The following IFT43 variants were observed in gnomAD, a reference collection of about 807,000 sequenced individuals.
IFT43 encodes intraflagellar transport protein 43 homolog.
A neutral mutation model predicts 32.3 loss-of-function variants in IFT43; 33 were observed. That is an observed-to-expected ratio of 1.02 (90% CI 0.77 to 1.37). The LOEUF (loss-of-function observed/expected upper bound fraction) is 1.37. Ranked by LOEUF, IFT43 falls within the 40% of genes most tolerant of loss-of-function variation. The pLI, the probability that IFT43 is intolerant of heterozygous loss-of-function variation, is 0.00. For synonymous variants in IFT43, 93 were observed against 98.2 expected, an observed-to-expected ratio of 0.95 and a Z score of 0.31; for missense variants, 274 against 265.9, an observed-to-expected ratio of 1.03 and a Z score of -0.21.
intron 5 of IFT43, among the ~76,000 whole-genome samples, chr14:76,074,501 G>A (rs969995989): frequency 6.6e-6 from 1 of 152,106 alleles, no homozygotes. Flanking sequence ...CTTCAGAATG[G>A]GGTCATCTGA....
At chr14:75,989,497 T>C (rs1244973625) in intron 2 of IFT43, among the ~76,000 whole-genome samples, 2 of 152,072 alleles carry the variant, frequency 1.3e-5, no homozygotes, top group African/African-American at 4.8e-5. Flanking sequence ...AGCAATACTT[T>C]TTACTGCCAG....
intron 2 of IFT43, among the ~76,000 whole-genome samples, chr14:76,000,087 AACAGTTTTACATTTTT>A (rs1447055202): frequency 6.6e-6 from 1 of 152,186 alleles, no homozygotes; most frequent in Non-Finnish European, 1.5e-5. Context: ...CCATCATTTT[AACAGTTTTACATTTTT>A]ACAGTTACAA....
At chr14:76,058,566 A>G (rs2037069446) in intron 3 of IFT43, 76 bp from the exon 4 acceptor site, 1 of 1,586,374 alleles carries the variant, frequency 6.3e-7, no homozygotes, top group Non-Finnish European at 8.6e-7. Context: ...CACTTTTGAA[A>G]CCTTCCTCAA....
intron 5 of IFT43, chr14:76,076,469 G>T (rs377641370): frequency 2.1e-6 from 3 of 1,428,930 alleles, no homozygotes; most frequent in East Asian, 2.5e-5. Context: ...CCAGGGGCCA[G>T]ATTGGGGTGT....
In IFT43 at chr14:76,022,363, G is replaced by A; in HGVS notation, c.184G>A (p.Gly62Ser). ...TAAATTACCTCGCTGCCGACAGGGAGGCTGGGCAGGTGATTCCGTGAAGGC... is the reference window on the plus strand; with the variant it reads ...TAAATTACCTCGCTGCCGACAGGGAAGCTGGGCAGGTGATTCCGTGAAGGC... ...SAKLPRCRQG[G>S]WAGDSVKASK... Residue 62 changes from glycine (G) to serine (S), a missense_variant, in exon 3 of 9, where the codon GGC becomes AGC. Coordinates refer to ENST00000314067, the MANE Select transcript of IFT43 (RefSeq NM_001102564.3). The A allele has an allele frequency of 1.2e-6, 2 of 1,613,334 alleles. No individual in the cohort carries two copies. The highest frequency in any genetic ancestry group is 1.7e-6 in the Non-Finnish European group (2 of 1,179,374).
At chr14:76,003,273 T>A (rs559015512) in intron 2 of IFT43, among the ~76,000 whole-genome samples, 1 of 152,234 alleles carries the variant, frequency 6.6e-6, no homozygotes, top group South Asian at 2.1e-4. Flanking sequence ...CTTTTTTTTT[T>A]AGTGATTACT....
intron 3 of IFT43, among the ~76,000 whole-genome samples, chr14:76,038,783 T>C (rs189421120): frequency 6.6e-6 from 1 of 152,340 alleles, no homozygotes; most frequent in East Asian, 1.9e-4. Context: ...AGTCCTTTCC[T>C]ATCTTCACAC....
intron 3 of IFT43, among the ~76,000 whole-genome samples, chr14:76,041,562 G>A (rs185456825): frequency 6.6e-6 from 1 of 152,298 alleles, no homozygotes; most frequent in East Asian, 1.9e-4. Flanking sequence ...TTTTAATAAA[G>A]TCCTTTTTAG....
chr14:76,005,615 G>A (rs1259890089), intron 2 of IFT43, among the ~76,000 whole-genome samples: 1 of 152,142 alleles, frequency 6.6e-6, no homozygotes, highest in Non-Finnish European at 1.5e-5. Flanking sequence ...TTCTTCTCAG[G>A]ATTTTCCCCT....
At chr14:76,065,234 C>G (rs2037207348) in intron 5 of IFT43, among the ~76,000 whole-genome samples, 1 of 152,160 alleles carries the variant, frequency 6.6e-6, no homozygotes, top group South Asian at 2.1e-4. Context: ...GCCCCAGTGT[C>G]CACCAACATC....
intron 2 of IFT43, among the ~76,000 whole-genome samples, chr14:76,011,542 G>A (rs1252425588): frequency 6.6e-6 from 1 of 152,188 alleles, no homozygotes; most frequent in Admixed American, 6.5e-5. Flanking sequence ...CCTGCAACTA[G>A]CATGTAATAT....
At position 75,988,942 on chromosome 14, in the gene IFT43, A is replaced by C; in HGVS notation, c.112A>C (p.Asn38His). ...GTCAGCGCAGGCCGAGAATCACCTC[A>C]ATGGCAAGAATTCCTCTTTGACTCT... is the stretch of plus-strand genomic sequence containing the variant. ...QESAQAENHL[N>H]GKNSSLTLTG... is the part of the protein sequence containing the mutation. Residue 38 changes from asparagine to histidine, a missense_variant, in exon 2 of 9, where the codon AAT becomes CAT. Asn to His is a moderately conservative substitution (Grantham distance 68, BLOSUM62 1). Coordinates refer to ENST00000314067, the MANE Select transcript of IFT43 (RefSeq NM_001102564.3). 1.2e-6 allele frequency: 2 copies of C among 1,614,062 alleles called. No individual in the cohort carries two copies. Among genetic ancestry groups the C allele is most frequent in the Non-Finnish European group, 1.7e-6 (2 of 1,180,016 alleles).
Position 76,059,251 on chromosome 14 carries a change from C to T in IFT43, c.249-76C>T, listed in dbSNP as rs1358065894. 29 of 1,612,192 alleles carry T rather than the reference C, an allele frequency of 1.8e-5. No individual in the cohort carries two copies. The East Asian group carries it at 3.3e-4, about 19-fold the overall frequency. Reference sequence around the variant, plus strand: ...TTTCATCTAGGAGAAAGAATGGATACAATAAACATTTGGGATGTTCCTTTC... The same window carrying T: ...TTTCATCTAGGAGAAAGAATGGATATAATAAACATTTGGGATGTTCCTTTC... On this transcript the variant is annotated intron_variant, in intron 4 of 8. Coordinates refer to ENST00000314067, the MANE Select transcript of IFT43 (RefSeq NM_001102564.3).
intron 2 of IFT43, among the ~76,000 whole-genome samples, chr14:76,012,052 A>G (rs2036095886): frequency 6.6e-6 from 1 of 152,202 alleles, no homozygotes; most frequent in Admixed American, 6.5e-5. Context: ...TTGCCCCTAG[A>G]AGCTGGAAGA....
intron 8 of IFT43, 60 bp from the exon 9 acceptor site, chr14:76,083,398 C>G (rs935280519): frequency 3.1e-6 from 5 of 1,613,896 alleles, no homozygotes; most frequent in Admixed American, 3.3e-5. Flanking sequence ...AGGGAGAAGT[C>G]AGCTACAGTT....
intron 3 of IFT43, among the ~76,000 whole-genome samples, chr14:76,042,107 G>GAC (rs3086751): frequency 0.3 from 45,681 of 149,792 alleles, 7,306 homozygotes; most frequent in East Asian, 0.46. Flanking sequence ...TATGGACGAG[G>GAC]ACACACACAC....
chr14:75,995,844 A>G (rs750923169), intron 2 of IFT43, among the ~76,000 whole-genome samples: 20 of 152,178 alleles, frequency 1.3e-4, no homozygotes, highest in Non-Finnish European at 1.6e-4. Flanking sequence ...TTCATAAGGA[A>G]TGTGTTTTCC....
chr14:76,058,346 A>G (rs2037064764), intron 3 of IFT43: 13 of 371,008 alleles, frequency 3.5e-5, no homozygotes, highest in South Asian at 3.0e-4. Context: ...GCTGAAAGAA[A>G]AGAGGGCACT....
chr14:76,037,159 T>C (rs2036615080), intron 3 of IFT43, among the ~76,000 whole-genome samples: 1 of 144,200 alleles, frequency 6.9e-6, no homozygotes, highest in Admixed American at 7.0e-5. Context: ...TCATATTCCC[T>C]GTTAAACTGA....
Sources: allele counts gnomAD v4.1 joint callset (sites outside exome capture counted in the v4.1 genomes callset), GRCh38; gene constraint gnomAD v4.1.1; transcripts MANE v1.5; gene names NCBI Gene and HGNC (gene_info 2026-07-23, HGNC 2026-07-21).